NPAS3: variants seen among roughly 807,000 people sequenced by gnomAD.
The protein encoded by NPAS3 is neuronal PAS domain protein 3.
Under a neutral mutation model 73.1 loss-of-function variants are expected in NPAS3, and 14 were observed. That is an observed-to-expected ratio of 0.19 (90% CI 0.13 to 0.30). The LOEUF (loss-of-function observed/expected upper bound fraction) is 0.30. Ranked by LOEUF, NPAS3 falls within the 10% of genes least tolerant of loss-of-function variation. NPAS3 has a pLI of 1.00. For missense variants in NPAS3, 1,096 were observed against 1,250.0 expected (o/e 0.88, Z 1.86); for synonymous variants, 620 against 541.5 (o/e 1.14, Z -2.01).
chr14:33,719,318 T>G (rs1283825208), intron 6 of NPAS3, among the ~76,000 whole-genome samples: 2 of 152,186 alleles, frequency 1.3e-5, no homozygotes, highest in Non-Finnish European at 2.9e-5. Context: ...AATTCTTTCC[T>G]GTTCCTTGAT....
chr14:33,454,478 C>T (rs1447269323), intron 4 of NPAS3, among the ~76,000 whole-genome samples: 1 of 152,180 alleles, frequency 6.6e-6, no homozygotes, highest in Non-Finnish European at 1.5e-5. Flanking sequence ...AAACATGTTA[C>T]TCCATGAGAT....
intron 4 of NPAS3, among the ~76,000 whole-genome samples, chr14:33,442,792 A>G (rs1258534481): frequency 6.6e-6 from 1 of 152,226 alleles, no homozygotes; most frequent in Non-Finnish European, 1.5e-5. Context: ...CAGCATGAGA[A>G]CAAACGAATA....
intron 3 of NPAS3, among the ~76,000 whole-genome samples, chr14:33,303,495 G>T (rs2042635711): frequency 6.6e-6 from 1 of 151,808 alleles, no homozygotes; most frequent in Non-Finnish European, 1.5e-5. Context: ...GAATATACAA[G>T]TTTAAATAAT....
chr14:33,226,462 CA>C (rs1296617500), intron 3 of NPAS3, among the ~76,000 whole-genome samples: 2 of 152,114 alleles, frequency 1.3e-5, no homozygotes, highest in African/African-American at 4.8e-5. Context: ...GTATTATTAT[CA>C]GCAATACAAT....
At chr14:33,373,610 G>C (rs1322857117) in intron 4 of NPAS3, among the ~76,000 whole-genome samples, 1 of 152,064 alleles carries the variant, frequency 6.6e-6, no homozygotes, top group Non-Finnish European at 1.5e-5. Context: ...TAAGTATTGA[G>C]AGAATAAAAA....
chr14:33,231,827 A>G lies in NPAS3; in HGVS notation c.385+16401A>G, dbSNP rs142176681. 8.4e-3 allele frequency among the ~76,000 whole-genome samples: 1,282 copies of G among 152,306 alleles called. 8 individuals carry two copies. Among genetic ancestry groups the G allele is most frequent in the Middle Eastern group, 0.024 (7 of 294 alleles). Reference sequence around the variant, plus strand: ...TTAAGTAAACTTAGATGCTTTGTATATTGACCAGTTTTTCCAAATGAAATG... The same window carrying G: ...TTAAGTAAACTTAGATGCTTTGTATGTTGACCAGTTTTTCCAAATGAAATG... On this transcript the variant is annotated intron_variant, in intron 3 of 11. Transcript: ENST00000356141.
intron 5 of NPAS3, among the ~76,000 whole-genome samples, chr14:33,596,258 A>G (rs930180331): frequency 6.8e-4 from 103 of 152,376 alleles, no homozygotes; most frequent in African/African-American, 2.3e-3. Flanking sequence ...CTTACAAATT[A>G]GGAGACACAT....
intron 4 of NPAS3, among the ~76,000 whole-genome samples, chr14:33,457,770 T>C (rs1168275480): frequency 1.3e-5 from 2 of 152,174 alleles, no homozygotes; most frequent in Non-Finnish European, 2.9e-5. Context: ...GCTCGCTCTC[T>C]GGGCTTGCCT....
chr14:33,117,250 T>C (rs916930219), intron 2 of NPAS3, among the ~76,000 whole-genome samples: 1 of 151,978 alleles, frequency 6.6e-6, no homozygotes, highest in Non-Finnish European at 1.5e-5. Context: ...TATAATAATC[T>C]GGGGAGGAGG....
intron 1 of NPAS3, among the ~76,000 whole-genome samples, chr14:33,017,927 A>G (rs1335006885): frequency 1.3e-5 from 2 of 152,226 alleles, no homozygotes; most frequent in African/African-American, 2.4e-5. Context: ...TTGTACTTTT[A>G]TTAAATCATT....
rs139193538 is a variant in NPAS3 at position 33,492,161 on chromosome 14, C to T, written c.469-67960C>T. On this transcript the variant is annotated intron_variant, in intron 4 of 11. Transcript: ENST00000356141. ...GCTGCCTTCAATACAGATGTGTAAC[C>T]CCATTAACATTAATAAGACTTACGC... Among the ~76,000 whole-genome samples, 91 of 152,150 alleles carry T rather than the reference C, an allele frequency of 6.0e-4. No individual in the cohort carries two copies. In the East Asian group the frequency reaches 8.5e-3, roughly 14 times the overall value.
intron 5 of NPAS3, among the ~76,000 whole-genome samples, chr14:33,569,766 C>G (rs575341392): frequency 6.6e-6 from 1 of 152,278 alleles, no homozygotes; most frequent in Admixed American, 6.5e-5. Flanking sequence ...ATACTTCTTT[C>G]TGGCTAAAGT....
intron 6 of NPAS3, chr14:33,680,671 A>T (rs1009741062): frequency 1.4e-6 from 1 of 702,462 alleles, no homozygotes; most frequent in African/African-American, 1.7e-5. Context: ...ACATGCCTGG[A>T]TCCTACTTCA....
intron 3 of NPAS3, among the ~76,000 whole-genome samples, chr14:33,298,447 C>A (rs28759162): frequency 0.38 from 58,028 of 152,042 alleles, 11,109 homozygotes; most frequent in African/African-American, 0.42. Flanking sequence ...TCAGGGAAAT[C>A]TTTAGAGACT....
At chr14:33,504,598 T>G (rs887900117) in intron 4 of NPAS3, among the ~76,000 whole-genome samples, 20 of 152,036 alleles carry the variant, frequency 1.3e-4, no homozygotes, top group Non-Finnish European at 2.9e-4. Flanking sequence ...TAAACTTAAG[T>G]AGAAGATTTT....
intron 5 of NPAS3, among the ~76,000 whole-genome samples, chr14:33,665,649 A>G (rs1375424577): frequency 6.6e-6 from 1 of 152,206 alleles, no homozygotes; most frequent in Non-Finnish European, 1.5e-5. Context: ...TTTACTATGT[A>G]GCCACAAAAA....
intron 4 of NPAS3, among the ~76,000 whole-genome samples, chr14:33,368,028 C>G (rs1193299967): frequency 6.6e-6 from 1 of 152,016 alleles, no homozygotes; most frequent in Non-Finnish European, 1.5e-5. Context: ...TTGCCATGGC[C>G]ACTTTTTTTA....
chr14:32,957,589 G>A (rs1444023785), intron 1 of NPAS3, among the ~76,000 whole-genome samples: 2 of 151,958 alleles, frequency 1.3e-5, no homozygotes, highest in Non-Finnish European at 2.9e-5. Flanking sequence ...AGCCAGGATG[G>A]TCTTGATCTC....
intron 3 of NPAS3, among the ~76,000 whole-genome samples, chr14:33,361,528 A>G (rs951086196): frequency 2.6e-5 from 4 of 152,220 alleles, no homozygotes; most frequent in African/African-American, 9.6e-5. Flanking sequence ...AAAGCAGTTC[A>G]TTTATAAGTA....
Sources: gnomAD v4.1 joint callset for allele counts (sites outside exome capture counted in the v4.1 genomes callset) on GRCh38, gnomAD v4.1.1 for gene constraint, MANE v1.5 for transcripts, NCBI Gene and HGNC (gene_info 2026-07-23, HGNC 2026-07-21) for gene names.